EGF: variants seen among roughly 807,000 people sequenced by gnomAD.
EGF encodes the protein pro-epidermal growth factor.
A neutral mutation model predicts 143.8 loss-of-function variants in EGF; 95 were observed. That is an observed-to-expected ratio of 0.66 (90% confidence interval 0.56 to 0.78). The LOEUF (loss-of-function observed/expected upper bound fraction) is 0.78. Ranked by LOEUF, EGF falls within the 30% of genes least tolerant of loss-of-function variation. The pLI is 0.00. For missense variants in EGF, 1,320 were observed against 1,470.9 expected (o/e 0.90, Z 1.68); for synonymous variants, 510 against 510.5 (o/e 1.00, Z 0.01).
At chr4:110,003,479 T>C (rs1032597978) in intron 21 of EGF, among the ~76,000 whole-genome samples, 3 of 152,232 alleles carry the variant, frequency 2.0e-5, no homozygotes, top group Non-Finnish European at 2.9e-5. Context: ...CACCATCTCT[T>C]GGTACTGTCT....
chr4:109,957,985 G>A (rs1745073619), intron 5 of EGF, among the ~76,000 whole-genome samples: 1 of 152,148 alleles, frequency 6.6e-6, no homozygotes, highest in Non-Finnish European at 1.5e-5. Context: ...AAAATAAGGT[G>A]CAAAAGAGAC....
chr4:109,969,615 A>T (rs1270498770), intron 11 of EGF, among the ~76,000 whole-genome samples: 1 of 152,018 alleles, frequency 6.6e-6, no homozygotes, highest in African/African-American at 2.4e-5. Flanking sequence ...TAAAAAAAAA[A>T]GTAGCCTGTG....
chr4:109,983,922 A>G (rs541482502), intron 16 of EGF, among the ~76,000 whole-genome samples: 1 of 152,376 alleles, frequency 6.6e-6, no homozygotes, highest in African/African-American at 2.4e-5. Flanking sequence ...TAATTGATAA[A>G]CAAATATAGG....
intron 11 of EGF, among the ~76,000 whole-genome samples, chr4:109,974,364 T>C (rs989365136): frequency 6.6e-6 from 1 of 152,206 alleles, no homozygotes; most frequent in African/African-American, 2.4e-5. Flanking sequence ...CTGGCTTCCA[T>C]TGGTTTCAGC....
intron 20 of EGF, among the ~76,000 whole-genome samples, chr4:109,997,338 C>A (rs1437400602): frequency 1.3e-5 from 2 of 152,132 alleles, no homozygotes; most frequent in Non-Finnish European, 2.9e-5. Context: ...GCGTAACTCC[C>A]AAACCATAAT....
chr4:110,006,813 A>G (rs1753372376), intron 22 of EGF, among the ~76,000 whole-genome samples: 1 of 152,224 alleles, frequency 6.6e-6, no homozygotes, highest in Admixed American at 6.5e-5. Context: ...CACAGCCGTC[A>G]TAACTGTCGT....
intron 20 of EGF, among the ~76,000 whole-genome samples, chr4:109,998,656 G>A (rs187899071): frequency 1.2e-4 from 18 of 152,330 alleles, no homozygotes; most frequent in Non-Finnish European, 2.5e-4. Flanking sequence ...CCAGCTAAAG[G>A]TAGAGACAGG....
chr4:109,938,757 C>T (rs1158328213), intron 1 of EGF, among the ~76,000 whole-genome samples: 1 of 152,164 alleles, frequency 6.6e-6, no homozygotes, highest in Non-Finnish European at 1.5e-5. Context: ...GTTAGTTTTC[C>T]TTCTAACAGA....
Position 109,987,775 on chromosome 4 carries a change from C to T in EGF, c.2523C>T (p.Ser841=). 1 of 1,613,844 alleles carries T rather than the reference C, an allele frequency of 6.2e-7. No individual in the cohort carries two copies. Among genetic ancestry groups the T allele is most frequent in the Non-Finnish European group, 8.5e-7 (1 of 1,179,818 alleles). Residue 841 remains serine, a synonymous_variant, in exon 17 of 24, where the codon AGC becomes AGT. Coordinates refer to ENST00000265171, the MANE Select transcript of EGF (RefSeq NM_001963.6). ...ATGACTGTGCTCCTGTGGGATGCAG[C>T]ATGTATGCTCGGTGTATTTCAGAGG... is the stretch of plus-strand genomic sequence containing the variant. The part of the protein sequence containing the change: ...DQDDCAPVGC[S]MYARCISEGE...
intron 5 of EGF, among the ~76,000 whole-genome samples, chr4:109,950,891 C>A (rs1334746698): frequency 6.6e-6 from 1 of 152,186 alleles, no homozygotes; most frequent in Non-Finnish European, 1.5e-5. Flanking sequence ...TTTCCCTAAT[C>A]ATATGACACC....
Position 109,968,982 on chromosome 4 carries a change from C to T in EGF, c.1587C>T (p.Ala529=). ...HDPVENKIYF[A]HTALKWIERA... The stretch of plus-strand genomic sequence containing the variant: ...GTTCTCTTTTGTAGATATACTTTGC[C>T]CATACAGCCCTGAAGTGGATAGAGA... Residue 529 remains alanine (A), a synonymous_variant, in exon 11 of 24, where the codon GCC becomes GCT. Coordinates refer to ENST00000265171, the MANE Select transcript of EGF (RefSeq NM_001963.6). 6.2e-7 allele frequency: 1 copy of T among 1,613,940 alleles called. No individual in the cohort carries two copies. The highest frequency in any genetic ancestry group is 1.3e-5 in the African/African-American group (1 of 74,960).
rs558688424 is a variant in EGF, at chr4:110,001,493, C to A, written c.3173+1647C>A. 7.2e-5 allele frequency among the ~76,000 whole-genome samples: 11 copies of A among 152,026 alleles called. No homozygotes were observed. The South Asian group carries it at 2.3e-3, about 32-fold the overall frequency. On this transcript the variant is annotated intron_variant, in intron 21 of 23. Coordinates refer to ENST00000265171, the MANE Select transcript of EGF (RefSeq NM_001963.6). ...ATGTGTAGAAAGAATATTGAATGAT[C>A]AATGGTTCATCCCATTGGATCATTG...
intron 1 of EGF, among the ~76,000 whole-genome samples, chr4:109,935,189 A>C (rs948608542): frequency 7.9e-5 from 12 of 152,190 alleles, no homozygotes; most frequent in Non-Finnish European, 1.8e-4. Flanking sequence ...CTTCCTATCC[A>C]TGAGCATGGA....
chr4:109,985,424 TG>T (rs1381595076), intron 16 of EGF, among the ~76,000 whole-genome samples: 1 of 152,260 alleles, frequency 6.6e-6, no homozygotes, highest in East Asian at 1.9e-4. Flanking sequence ...CGTGGCCTTT[TG>T]GGCCCTGTAT....
At position 109,993,249 on chromosome 4, in the gene EGF, A is replaced by G. The variant is rs1332075719; in HGVS notation, c.2737A>G (p.Ile913Val). 6.2e-7 allele frequency: 1 copy of G among 1,613,716 alleles called. No individual in the cohort carries two copies. ...CCGTACTCTGTCTTTTCTGACAGAT[A>G]TTGATGAGTGCCAACTGGGGGAGCA... The part of the protein sequence containing the change: ...YQGDGIHCLD[I>V]DECQLGEHSC... The change falls in exon 19 of 24, where the codon ATT becomes GTT. Residue 913 changes from isoleucine (I) to valine (V), a missense_variant and splice_region_variant. By Grantham distance (29) the Ile-to-Val change is conservative. Around this residue, in one of 5 missense-constraint regions of EGF, gnomAD observed 1,186 missense variants for 1,313.7 expected, o/e 0.90. Coordinates refer to ENST00000265171, the MANE Select transcript of EGF (RefSeq NM_001963.6).
chr4:109,976,095 G>C lies in EGF; in HGVS notation c.1913G>C (p.Ser638Thr). ...LQGLGRLVIA[S>T]SDLIWPSGIT... ...GGCCTTGGCCGTCTGGTTATAGCCA[G>C]CTCTGATCTAATCTGGCCCAGTGGA... Residue 638 changes from serine (S) to threonine (T), a missense_variant, in exon 13 of 24, where the codon AGC (serine) becomes ACC (threonine). By Grantham distance (58) the Ser-to-Thr change is moderately conservative (BLOSUM62 1). Transcript: ENST00000265171. 1 of 1,614,112 alleles carries C rather than the reference G, an allele frequency of 6.2e-7. No homozygotes were observed. The highest frequency in any genetic ancestry group is 8.5e-7 in the Non-Finnish European group (1 of 1,179,966).
intron 10 of EGF, chr4:109,968,711 C>CTAT (rs10657057): frequency 9.8e-5 from 29 of 297,396 alleles, no homozygotes; most frequent in African/African-American, 3.4e-4. Context: ...TATCTATCTA[C>CTAT]CTACCTACCT....
At chr4:109,914,585 G>C (rs1489271000) in intron 1 of EGF, among the ~76,000 whole-genome samples, 1 of 152,110 alleles carries the variant, frequency 6.6e-6, no homozygotes, top group East Asian at 1.9e-4. Context: ...CAGAACTCTA[G>C]GGTATTTGAA....
chr4:110,004,215 T>TACGTAC (rs1752943032), intron 21 of EGF: 1 of 335,564 alleles, frequency 3.0e-6, no homozygotes, highest in Admixed American at 4.1e-5. Flanking sequence ...TGGGCATACA[T>TACGTAC]ACACACACAC....
Sources: allele counts gnomAD v4.1 joint callset (sites outside exome capture counted in the v4.1 genomes callset), GRCh38; gene constraint gnomAD v4.1.1; regional missense constraint gnomAD v4.1.1; transcripts MANE v1.5; gene names NCBI Gene and HGNC (gene_info 2026-07-23, HGNC 2026-07-21).